ZNF714: variants seen among roughly 807,000 people sequenced by gnomAD.
ZNF714 encodes zinc finger protein 714.
ZNF714 carries 32 observed loss-of-function variants against 46.2 expected under a neutral mutation model. That is an observed-to-expected ratio of 0.69 (90% CI 0.52 to 0.93). The LOEUF (loss-of-function observed/expected upper bound fraction) is 0.93. ZNF714 is among the 40% of genes least tolerant of loss of function. The pLI, the probability that ZNF714 is intolerant of heterozygous loss-of-function variation, is 0.00. For synonymous variants in ZNF714, 199 were observed against 213.1 expected (o/e 0.93, Z 0.58); for missense variants, 635 against 646.3 (o/e 0.98, Z 0.19).
chr19:21,094,066 C>T (rs1463975110), intron 2 of ZNF714, among the ~76,000 whole-genome samples: 1 of 152,244 alleles, frequency 6.6e-6, no homozygotes, highest in Admixed American at 6.5e-5. Flanking sequence ...TCTCAGCTCA[C>T]TGCAACCTCT....
At chr19:21,092,253 A>G (rs552982975) in intron 2 of ZNF714, among the ~76,000 whole-genome samples, 10 of 151,028 alleles carry the variant, frequency 6.6e-5, no homozygotes, top group Admixed American at 6.0e-4. Context: ...ACTCCCAAAC[A>G]TGCCCACTAG....
At position 21,084,056 on chromosome 19, in the gene ZNF714, C is replaced by G; in HGVS notation, c.-98C>G. ...GCAGAGAGGAAGCTTCTAGTGTACT[C>G]TTACTTTGAAAAGGTAATCAGATGC... On this transcript the variant is annotated 5_prime_UTR_variant, in exon 2 of 5. Coordinates refer to ENST00000456283, the MANE Select transcript of ZNF714 (RefSeq NM_182515.4). 1 of 1,175,280 alleles carries G rather than the reference C, an allele frequency of 8.5e-7. No individual in the cohort carries two copies. Among genetic ancestry groups the G allele is most frequent in the Non-Finnish European group, 1.1e-6 (1 of 936,788 alleles). 72.8% of individuals were successfully genotyped at this position (1,175,280 alleles called of 1,614,324 possible).
At chr19:21,105,258 T>C (rs1969283030) in intron 4 of ZNF714, among the ~76,000 whole-genome samples, 2 of 151,744 alleles carry the variant, frequency 1.3e-5, no homozygotes, top group South Asian at 4.2e-4. Flanking sequence ...CCTGACCTTG[T>C]GATTCACCCG....
chr19:21,107,421 T>G (rs1969347956), intron 4 of ZNF714, among the ~76,000 whole-genome samples: 2 of 152,114 alleles, frequency 1.3e-5, no homozygotes, highest in Non-Finnish European at 2.9e-5. Flanking sequence ...GTATGTTTAG[T>G]AGAGATGGGG....
At chr19:21,094,953 C>G (rs1969002213) in intron 2 of ZNF714, among the ~76,000 whole-genome samples, 2 of 152,070 alleles carry the variant, frequency 1.3e-5, no homozygotes, top group Non-Finnish European at 2.9e-5. Flanking sequence ...TGTTTGTCTT[C>G]TTTTGAAAAG....
rs1161171978 is a variant in ZNF714 at position 21,117,562 on chromosome 19, C to A, written c.898C>A (p.Leu300Ile). Reference protein sequence around the residue: ...CDKAFNRFSYLTKHKIIHSGE... With the variant: ...CDKAFNRFSYITKHKIIHSGE... ...CAAAGCTTTTAACCGATTCTCATAC[C>A]TTACTAAACATAAGATAATTCATTC... Residue 300 changes from leucine (L) to isoleucine (I), a missense_variant, in exon 5 of 5, where the codon CTT (leucine) becomes ATT (isoleucine). Transcript: ENST00000456283. 3 of 1,606,158 alleles carry A rather than the reference C, an allele frequency of 1.9e-6. No individual in the cohort carries two copies. Among genetic ancestry groups the A allele is most frequent in the Non-Finnish European group, 2.6e-6 (3 of 1,175,796 alleles).
At position 21,111,251 on chromosome 19, in the gene ZNF714, C is replaced by T. The variant is rs575258209; in HGVS notation, c.143-5556C>T. On this transcript the variant is annotated intron_variant, in intron 4 of 4. Coordinates refer to ENST00000456283, the MANE Select transcript of ZNF714 (RefSeq NM_182515.4). ...TGTCCTCTCTGATTTTCTTGTGCAG[C>T]GGTTTGTAGTTCTCCTTGAAGAGGT... 1.8e-3 allele frequency among the ~76,000 whole-genome samples: 279 copies of T among 152,154 alleles called. 2 individuals carry two copies. The highest frequency in any genetic ancestry group is 2.5e-3 in the Non-Finnish European group (170 of 67,964).
intron 2 of ZNF714, among the ~76,000 whole-genome samples, chr19:21,089,021 A>G (rs1424046537): frequency 2.0e-5 from 3 of 152,314 alleles, no homozygotes; most frequent in Non-Finnish European, 1.5e-5. Flanking sequence ...GTTTTTCCCC[A>G]TAATTGCCCT....
Position 21,121,709 on chromosome 19 carries a change from A to C in ZNF714, c.*3377A>C, listed in dbSNP as rs1370205302. The C allele has an allele frequency of 6.6e-6, 1 of 152,202 alleles. No individual in the cohort carries two copies. 9.4% of individuals were successfully genotyped at this position (152,202 alleles called of 1,614,324 possible). A position where few individuals can be genotyped will look rare whatever the true frequency, so the allele number is the denominator to read the frequency against. ...TGGCTACTATAAAACTAAAAACCTTAAAAAATGCTGAAAGCAAATGTATAC... is the reference window on the plus strand; with the variant it reads ...TGGCTACTATAAAACTAAAAACCTTCAAAAATGCTGAAAGCAAATGTATAC... On this transcript the variant is annotated 3_prime_UTR_variant, in exon 5 of 5. Coordinates refer to ENST00000456283, the MANE Select transcript of ZNF714 (RefSeq NM_182515.4).
At chr19:21,084,837 C>T (rs189490452) in intron 2 of ZNF714, among the ~76,000 whole-genome samples, 169 of 151,644 alleles carry the variant, frequency 1.1e-3, no homozygotes, top group South Asian at 9.4e-3. Context: ...CCAGGCTGGT[C>T]TCAAACTCCT....
chr19:21,106,274 A>ATAAC (rs1969310291), intron 4 of ZNF714, among the ~76,000 whole-genome samples: 1 of 150,928 alleles, frequency 6.6e-6, no homozygotes, highest in African/African-American at 2.4e-5. Flanking sequence ...AAATAAATAA[A>ATAAC]TAAAATAAAA....
chr19:21,092,734 C>A (rs10411471), intron 2 of ZNF714, among the ~76,000 whole-genome samples: 8,929 of 152,036 alleles, frequency 0.059, 856 homozygotes, highest in African/African-American at 0.2. Context: ...TTTGTTCTTT[C>A]ATTGTCTATT....
intron 4 of ZNF714, among the ~76,000 whole-genome samples, chr19:21,111,570 T>G (rs1015590928): frequency 2.6e-5 from 4 of 152,172 alleles, no homozygotes; most frequent in African/African-American, 7.2e-5. Context: ...TGAATACTGC[T>G]TATTTATTTC....
chr19:21,086,221 A>G (rs1968774774), intron 2 of ZNF714, among the ~76,000 whole-genome samples: 1 of 152,212 alleles, frequency 6.6e-6, no homozygotes, highest in African/African-American at 2.4e-5. Context: ...AATGGGAAAA[A>G]GAAGAAAATG....
chr19:21,108,109 G>A (rs936273661), intron 4 of ZNF714, among the ~76,000 whole-genome samples: 1 of 152,042 alleles, frequency 6.6e-6, no homozygotes, highest in Non-Finnish European at 1.5e-5. Context: ...GTTATTTGTA[G>A]TAATGGGTCT....
intron 2 of ZNF714, among the ~76,000 whole-genome samples, chr19:21,086,190 A>G (rs1437481078): frequency 6.6e-6 from 1 of 152,180 alleles, no homozygotes; most frequent in Non-Finnish European, 1.5e-5. Context: ...ACCACTGAAG[A>G]CAAATTCAGC....
Position 21,122,122 on chromosome 19 carries a change from G to T in ZNF714, c.*3790G>T, listed in dbSNP as rs1969713249. ...GTATATTTATTTATTGAGTCAATTTGTTCAGGTAAGTACTGGGGGGCTTCA... is the reference window on the plus strand; with the variant it reads ...GTATATTTATTTATTGAGTCAATTTTTTCAGGTAAGTACTGGGGGGCTTCA... On this transcript the variant is annotated 3_prime_UTR_variant, in exon 5 of 5. Coordinates refer to ENST00000456283, the MANE Select transcript of ZNF714 (RefSeq NM_182515.4). The T allele has an allele frequency of 6.6e-6, 1 of 151,978 alleles. No individual in the cohort carries two copies. The highest frequency in any genetic ancestry group is 2.4e-5 in the African/African-American group (1 of 41,368). 9.4% of individuals were successfully genotyped at this position (151,978 alleles called of 1,614,324 possible).
chr19:21,112,862 G>T (rs1368071299), intron 4 of ZNF714, among the ~76,000 whole-genome samples: 1 of 102,288 alleles, frequency 9.8e-6, no homozygotes, highest in African/African-American at 3.7e-5. Flanking sequence ...TCGCTCTGTC[G>T]CCCAGGCTGG....
intron 2 of ZNF714, among the ~76,000 whole-genome samples, chr19:21,092,761 T>C (rs1046072282): frequency 2.6e-5 from 4 of 152,166 alleles, no homozygotes; most frequent in Non-Finnish European, 5.9e-5. Context: ...TAGGCCTCAG[T>C]GTCTGTCGTT....
Sources: gnomAD v4.1 joint callset for allele counts (sites outside exome capture counted in the v4.1 genomes callset) on GRCh38, gnomAD v4.1.1 for gene constraint, MANE v1.5 for transcripts, NCBI Gene and HGNC (gene_info 2026-07-23, HGNC 2026-07-21) for gene names.